Variants in ARID1B observed in about 807,000 individuals in gnomAD.
ARID1B encodes AT-rich interactive domain-containing protein 1B.
A neutral mutation model predicts 212.3 loss-of-function variants in ARID1B; 30 were observed. The ratio of observed to expected loss-of-function variants is 0.14; its 90% CI spans 0.11 to 0.19. The LOEUF (loss-of-function observed/expected upper bound fraction) is 0.19. ARID1B is among the 10% of genes least tolerant of loss of function. ARID1B has a pLI of 1.00. For missense variants in ARID1B, 2,891 were observed against 3,204.0 expected (o/e 0.90, Z 2.36); for synonymous variants, 1,402 against 1,301.7 (o/e 1.08, Z -1.66).
intron 3 of ARID1B, among the ~76,000 whole-genome samples, chr6:156,918,318 C>A (rs1010001376): frequency 6.6e-6 from 1 of 152,034 alleles, no homozygotes; most frequent in African/African-American, 2.4e-5. Flanking sequence ...AATTTATAAG[C>A]CAATCCTGCA....
At chr6:157,032,813 T>A (rs113661697) in intron 4 of ARID1B, among the ~76,000 whole-genome samples, 22 of 152,344 alleles carry the variant, frequency 1.4e-4, no homozygotes, top group African/African-American at 5.1e-4. Flanking sequence ...ATCAAGTATA[T>A]GACTCACCCC....
intron 4 of ARID1B, among the ~76,000 whole-genome samples, chr6:157,047,231 A>G (rs746616397): frequency 6.6e-6 from 1 of 152,144 alleles, no homozygotes; most frequent in Non-Finnish European, 1.5e-5. Context: ...GTATGAGCAC[A>G]CTCTGTGAGG....
intron 4 of ARID1B, among the ~76,000 whole-genome samples, chr6:157,079,732 C>T (rs540193445): frequency 6.6e-6 from 1 of 152,176 alleles, no homozygotes; most frequent in Admixed American, 6.5e-5. Context: ...CTGTATTTTT[C>T]TGTAGAGCTT....
intron 1 of ARID1B, among the ~76,000 whole-genome samples, chr6:156,798,942 G>GT (rs1476010192): frequency 6.6e-5 from 10 of 152,152 alleles, no homozygotes; most frequent in Non-Finnish European, 1.2e-4. Context: ...TTGTGAAATA[G>GT]TTTTCTCTCT....
intron 4 of ARID1B, among the ~76,000 whole-genome samples, chr6:156,970,051 G>GT (rs66473280): frequency 8.6e-5 from 13 of 150,866 alleles, no homozygotes; most frequent in East Asian, 7.8e-4. Flanking sequence ...CTTTGACTTT[G>GT]TTTTTTTTGT....
At position 157,172,792 on chromosome 6, in the gene ARID1B, C is replaced by A. The variant is rs946374269; in HGVS notation, c.3236-1216C>A. 6 of 151,818 alleles carry A rather than the reference C, an allele frequency of 4.0e-5. No individual in the cohort carries two copies. The South Asian group carries it at 1.2e-3, about 32-fold the overall frequency. 9.4% of individuals were successfully genotyped at this position (151,818 alleles called of 1,614,324 possible). A position where few individuals can be genotyped will look rare whatever the true frequency, so the allele number is the denominator to read the frequency against. On this transcript the variant is annotated intron_variant, in intron 9 of 19. Coordinates refer to ENST00000636930, the MANE Select transcript of ARID1B (RefSeq NM_001374828.1). ...TTTTGTAGTGGGCAATCTGCGGAGCCTTTTTTAAAGCTTTTTTTTTTTTTC... is the reference window on the plus strand; with the variant it reads ...TTTTGTAGTGGGCAATCTGCGGAGCATTTTTTAAAGCTTTTTTTTTTTTTC...
intron 7 of ARID1B, chr6:157,141,092 C>G (rs1288016386): frequency 6.4e-6 from 1 of 156,308 alleles, no homozygotes; most frequent in Non-Finnish European, 1.4e-5. Context: ...ACTCCGTCCC[C>G]TCCTGCCTTG....
intron 7 of ARID1B, chr6:157,141,351 T>C (rs1350832743): frequency 2.0e-5 from 3 of 152,268 alleles, no homozygotes; most frequent in Non-Finnish European, 4.4e-5. Flanking sequence ...CTCCTTCTTT[T>C]ACACACTTTG....
chr6:156,925,801 CTGAACAGATAA>C (rs910537437), intron 3 of ARID1B, among the ~76,000 whole-genome samples: 1 of 152,224 alleles, frequency 6.6e-6, no homozygotes, highest in Admixed American at 6.5e-5. Context: ...TAGTAGTCTT[CTGAACAGATAA>C]TGAACAGTAC....
chr6:156,818,502 G>C (rs1782130287), intron 1 of ARID1B, among the ~76,000 whole-genome samples: 1 of 152,114 alleles, frequency 6.6e-6, no homozygotes, highest in African/African-American at 2.4e-5. Context: ...TATGTGTTTG[G>C]AATTGTTTAT....
intron 2 of ARID1B, among the ~76,000 whole-genome samples, chr6:156,898,649 T>C (rs1443394545): frequency 6.6e-6 from 1 of 152,086 alleles, no homozygotes; most frequent in African/African-American, 2.4e-5. Context: ...CTGAATGCAT[T>C]GACAAAAAAA....
chr6:156,824,989 T>G (rs577049039), intron 1 of ARID1B, among the ~76,000 whole-genome samples: 1 of 151,916 alleles, frequency 6.6e-6, no homozygotes, highest in Admixed American at 6.5e-5. Context: ...CTCAGCCTTC[T>G]GAGTAGCTGG....
chr6:156,778,590 G>C lies in ARID1B; in HGVS notation c.910G>C (p.Gly304Arg), dbSNP rs1275010536. Residue 304 changes from glycine to arginine, a missense_variant, in exon 1 of 20, where the codon GGC becomes CGC. Gly to Arg is a moderately radical substitution (Grantham distance 125). This residue lies in a region of ARID1B where 1,643 missense variants were observed against 1,544.0 expected (regional missense o/e 1.06). Coordinates refer to ENST00000636930, the MANE Select transcript of ARID1B (RefSeq NM_001374828.1). ...QQPPVAVPGG[G>R]GGPAAVPEFN... ...GCCGCCGGTCGCCGTGCCCGGGGGCGGCGGCGGCCCGGCGGCCGTCCCGGA... is the reference window on the plus strand; with the variant it reads ...GCCGCCGGTCGCCGTGCCCGGGGGCCGCGGCGGCCCGGCGGCCGTCCCGGA... 1 of 1,280,318 alleles carries C rather than the reference G, an allele frequency of 7.8e-7. No homozygotes were observed. Among genetic ancestry groups the C allele is most frequent in the African/African-American group, 1.6e-5 (1 of 64,040 alleles). 79.3% of individuals were successfully genotyped at this position (1,280,318 alleles called of 1,614,324 possible).
chr6:156,833,075 G>T (rs1783257081), intron 2 of ARID1B, among the ~76,000 whole-genome samples: 1 of 152,098 alleles, frequency 6.6e-6, no homozygotes, highest in Admixed American at 6.6e-5. Flanking sequence ...TGCCTCTGTG[G>T]AGAATATTCT....
rs1794703085 is a variant in ARID1B at position 157,210,509 on chromosome 6, C to A, written c.*2618C>A. The A allele has an allele frequency of 4.3e-6, 1 of 232,444 alleles. No homozygotes were observed. Among genetic ancestry groups the A allele is most frequent in the Non-Finnish European group, 8.5e-6 (1 of 117,628 alleles). 14.4% of individuals were successfully genotyped at this position (232,444 alleles called of 1,614,324 possible). A position where few individuals can be genotyped will look rare whatever the true frequency, so the allele number is the denominator to read the frequency against. The stretch of plus-strand genomic sequence containing the variant: ...CGCAACACAGTCTCTAGAGACTAAT[C>A]CAGGAAGACTTTAGCCTCCTTTCCA... On this transcript the variant is annotated 3_prime_UTR_variant, in exon 20 of 20. Coordinates refer to ENST00000636930, the MANE Select transcript of ARID1B (RefSeq NM_001374828.1).
chr6:156,874,170 C>T (rs1289489297), intron 2 of ARID1B, among the ~76,000 whole-genome samples: 2 of 152,192 alleles, frequency 1.3e-5, no homozygotes, highest in Non-Finnish European at 2.9e-5. Context: ...CTCCTGGGCT[C>T]ATTCCTGCCT....
intron 1 of ARID1B, among the ~76,000 whole-genome samples, chr6:156,785,110 T>G (rs1469826997): frequency 1.3e-5 from 2 of 152,188 alleles, no homozygotes; most frequent in Non-Finnish European, 2.9e-5. Context: ...AACCCACATC[T>G]GTATGGATCA....
At chr6:157,038,754 T>C (rs1313194155) in intron 4 of ARID1B, among the ~76,000 whole-genome samples, 1 of 152,204 alleles carries the variant, frequency 6.6e-6, no homozygotes, top group East Asian at 1.9e-4. Flanking sequence ...GGGTCAGTTC[T>C]TAGGAGCTCA....
At chr6:156,854,709 C>T (rs181429195) in intron 2 of ARID1B, among the ~76,000 whole-genome samples, 2 of 152,360 alleles carry the variant, frequency 1.3e-5, no homozygotes, top group African/African-American at 2.4e-5. Flanking sequence ...CCTCTAGATA[C>T]CAGCTAACAC....
Sources: gnomAD v4.1 joint callset for allele counts (sites outside exome capture counted in the v4.1 genomes callset) on GRCh38, gnomAD v4.1.1 for gene constraint, gnomAD v4.1.1 regional missense constraint, MANE v1.5 for transcripts, NCBI Gene and HGNC (gene_info 2026-07-23, HGNC 2026-07-21) for gene names.